NCAPH: variants seen among roughly 807,000 people sequenced by gnomAD.
The protein encoded by NCAPH is condensin complex subunit 2.
Under a neutral mutation model 85.5 loss-of-function variants are expected in NCAPH, and 38 were observed. The ratio of observed to expected loss-of-function variants is 0.44; its 90% CI spans 0.34 to 0.58. The LOEUF is 0.58. NCAPH is among the 20% of genes least tolerant of loss of function. The pLI is 0.01. For synonymous variants in NCAPH, 301 were observed against 335.1 expected (o/e 0.90, Z 1.11); for missense variants, 789 against 916.6 (o/e 0.86, Z 1.80).
At chr2:96,366,524 G>A (rs2064701466) in intron 14 of NCAPH, among the ~76,000 whole-genome samples, 1 of 152,188 alleles carries the variant, frequency 6.6e-6, no homozygotes, top group Admixed American at 6.5e-5. Context: ...TAGCCTTAAT[G>A]TAGATTGCAC....
At chr2:96,354,835 C>T (rs1200707257) in intron 9 of NCAPH, among the ~76,000 whole-genome samples, 1 of 152,120 alleles carries the variant, frequency 6.6e-6, no homozygotes, top group African/African-American at 2.4e-5. Flanking sequence ...CAATGTAAAG[C>T]GTTTGGAACA....
rs75656599 is a variant in NCAPH, at chr2:96,375,040, TA to T, written c.*1698del. ...CCTGGGCAAAATAGAACCCCATCTTTAAAAAAAAAGTTTAAAAATTAGCCAG... is the reference window on the plus strand; with the variant it reads ...CCTGGGCAAAATAGAACCCCATCTTTAAAAAAAAGTTTAAAAATTAGCCAG... On this transcript the variant is annotated 3_prime_UTR_variant, in exon 18 of 18. Coordinates refer to ENST00000240423, the MANE Select transcript of NCAPH (RefSeq NM_015341.5). Among the ~76,000 whole-genome samples, 6 of 150,700 alleles carry T rather than the reference TA, an allele frequency of 4.0e-5. No individual in the cohort carries two copies. Among genetic ancestry groups the T allele is most frequent in the South Asian group, 2.1e-4 (1 of 4,782 alleles).
In NCAPH at chr2:96,359,136, C is replaced by T. The variant is rs776324768; in HGVS notation, c.1300C>T (p.Arg434Trp). 5.5e-5 allele frequency: 88 copies of T among 1,614,222 alleles called. No individual in the cohort carries two copies. The highest frequency in any genetic ancestry group is 6.7e-5 in the Admixed American group (4 of 60,026). Residue 434 changes from arginine (R) to tryptophan (W), a missense_variant, in exon 10 of 18, where the codon CGG (arginine) becomes TGG (tryptophan). Physicochemically the swap from Arg to Trp is moderately radical, Grantham distance 101. Coordinates refer to ENST00000240423, the MANE Select transcript of NCAPH (RefSeq NM_015341.5). The stretch of plus-strand genomic sequence containing the variant: ...TGGAGAATATTCTTATTTCAGTCCT[C>T]GGACCATGTCGATGTGGGCTGGCCC... ...KPGEYSYFSP[R>W]TMSMWAGPDH...
chr2:96,343,967 G>T (rs527753166), intron 5 of NCAPH, 138 bp from the exon 6 acceptor site: 10 of 1,100,726 alleles, frequency 9.1e-6, no homozygotes, highest in Non-Finnish European at 1.0e-5. Context: ...CTCCCAAAGC[G>T]CTAGGATTAC....
chr2:96,362,620 A>T (rs2064640735), intron 12 of NCAPH, among the ~76,000 whole-genome samples: 1 of 152,164 alleles, frequency 6.6e-6, no homozygotes, highest in Admixed American at 6.5e-5. Flanking sequence ...TGACAGAGCA[A>T]GACTCTGTCT....
At chr2:96,336,102 C>T (rs528005428) in intron 1 of NCAPH, among the ~76,000 whole-genome samples, 3 of 152,090 alleles carry the variant, frequency 2.0e-5, no homozygotes, top group Non-Finnish European at 4.4e-5. Context: ...GCCTCACACT[C>T]CTCAGTTCCC....
intron 12 of NCAPH, among the ~76,000 whole-genome samples, 153 bp from the exon 13 acceptor site, chr2:96,364,328 G>T (rs2104487470): frequency 6.6e-6 from 1 of 152,336 alleles, no homozygotes; most frequent in East Asian, 1.9e-4. Flanking sequence ...TAGTGGAAAA[G>T]TCTGTTAGAC....
At chr2:96,340,686 G>A (rs1353168643) in intron 1 of NCAPH, among the ~76,000 whole-genome samples, 1 of 151,792 alleles carries the variant, frequency 6.6e-6, no homozygotes. Context: ...CACCGTGCCC[G>A]GTAGCCCAGG....
intron 17 of NCAPH, among the ~76,000 whole-genome samples, chr2:96,370,215 G>A (rs573758723): frequency 5.3e-5 from 8 of 152,344 alleles, no homozygotes; most frequent in African/African-American, 1.9e-4. Flanking sequence ...CCAGCCTTTG[G>A]CACGTGCAGT....
In NCAPH at chr2:96,356,038, G is replaced by A. The variant is rs185517552; in HGVS notation, c.1208+1650G>A. Among the ~76,000 whole-genome samples, 21 of 152,306 alleles carry A rather than the reference G, an allele frequency of 1.4e-4. No individual in the cohort carries two copies. The East Asian group carries it at 3.7e-3, about 27-fold the overall frequency. On this transcript the variant is annotated intron_variant, in intron 9 of 17. Coordinates refer to ENST00000240423, the MANE Select transcript of NCAPH (RefSeq NM_015341.5). ...AGCTATCACTTTCCTTAAACAGTGA[G>A]GTGACATCTGAGGGACTGACAATAA...
At chr2:96,364,921 CT>C (rs1368448592) in intron 13 of NCAPH, among the ~76,000 whole-genome samples, 2 of 152,154 alleles carry the variant, frequency 1.3e-5, no homozygotes, top group Non-Finnish European at 1.5e-5. Flanking sequence ...AATATAAACA[CT>C]TTGTCCTCTT....
At chr2:96,361,759 TATATATATACATATATATATATACAC>T (rs2064614454) in intron 12 of NCAPH, among the ~76,000 whole-genome samples, 1 of 132,314 alleles carries the variant, frequency 7.6e-6, no homozygotes, top group African/African-American at 2.7e-5. Flanking sequence ...GATATATATA[TATATATATACATATATATATATACAC>T]ATATATATGT....
chr2:96,372,932 G>A (rs964592063), intron 17 of NCAPH, among the ~76,000 whole-genome samples: 3 of 152,094 alleles, frequency 2.0e-5, no homozygotes, highest in African/African-American at 7.2e-5. Context: ...AACACCCCTC[G>A]AGGATAAGGG....
chr2:96,343,996 C>T (rs1442156208), intron 5 of NCAPH, 109 bp from the exon 6 acceptor site: 16 of 1,399,230 alleles, frequency 1.1e-5, no homozygotes, highest in Non-Finnish European at 1.3e-5. Flanking sequence ...GCCACCACAC[C>T]TGGCCTCACA....
intron 6 of NCAPH, among the ~76,000 whole-genome samples, chr2:96,350,429 A>G (rs1034237111): frequency 1.3e-5 from 2 of 152,116 alleles, no homozygotes; most frequent in African/African-American, 4.8e-5. Flanking sequence ...CAGGTGGGAA[A>G]CCATTACTCT....
chr2:96,372,374 T>C (rs1225324097), intron 17 of NCAPH, among the ~76,000 whole-genome samples: 1 of 151,722 alleles, frequency 6.6e-6, no homozygotes, highest in Non-Finnish European at 1.5e-5. Context: ...GGATGGGGCA[T>C]TGGGGCAGTT....
chr2:96,361,459 G>A (rs183369561), intron 12 of NCAPH, among the ~76,000 whole-genome samples: 2 of 152,068 alleles, frequency 1.3e-5, no homozygotes, highest in East Asian at 3.9e-4. Context: ...TGACACACGG[G>A]CTCACATCCT....
chr2:96,351,346 T>G (rs2064438601), intron 6 of NCAPH, among the ~76,000 whole-genome samples: 1 of 152,206 alleles, frequency 6.6e-6, no homozygotes, highest in Non-Finnish European at 1.5e-5. Context: ...CAGCCTTTCT[T>G]TTGAACCGGG....
chr2:96,361,749 GAT>G lies in NCAPH; in HGVS notation c.1587+1057_1587+1058del, dbSNP rs142082869. ...GCCTGTTTTTCCACAAGATTTTAAT[GAT>G]ATATATATATATATATACATATATA... On this transcript the variant is annotated intron_variant, in intron 12 of 17. Coordinates refer to ENST00000240423, the MANE Select transcript of NCAPH (RefSeq NM_015341.5). 5.4e-3 allele frequency among the ~76,000 whole-genome samples: 514 copies of G among 95,076 alleles called. 1 individual carries two copies. Among genetic ancestry groups the G allele is most frequent in the South Asian group, 0.012 (21 of 1,742 alleles). 62.4% of individuals were successfully genotyped at this position (95,076 alleles called of 152,430 possible).
Sources: allele counts gnomAD v4.1 joint callset (sites outside exome capture counted in the v4.1 genomes callset), GRCh38; gene constraint gnomAD v4.1.1; transcripts MANE v1.5; gene names NCBI Gene and HGNC (gene_info 2026-07-23, HGNC 2026-07-21).